The following ISLR2 variants were observed in gnomAD, a reference collection of about 807,000 sequenced individuals.
The protein encoded by ISLR2 is immunoglobulin superfamily containing leucine rich repeat 2, also known as immunoglobulin superfamily containing leucine-rich repeat protein 2.
Under a neutral mutation model 25.5 loss-of-function variants are expected in ISLR2, and 16 were observed. The observed-to-expected ratio is 0.63, with a 90% confidence interval of 0.43 to 0.95. The LOEUF (loss-of-function observed/expected upper bound fraction) is 0.95, where lower values mean the gene tolerates loss of function less well. ISLR2 is among the 40% of genes least tolerant of loss of function. The pLI, the probability that ISLR2 is intolerant of heterozygous loss-of-function variation, is 0.00. For synonymous variants in ISLR2, 508 were observed against 486.6 expected, an observed-to-expected ratio of 1.04 and a Z score of -0.58; for missense variants, 883 against 1,030.7, an observed-to-expected ratio of 0.86 and a Z score of 1.96.
chr15:74,136,893 C>T (rs1234066357), downstream of ISLR2: 1 of 163,902 alleles, frequency 6.1e-6, no homozygotes, highest in Non-Finnish European at 1.5e-5. Flanking sequence ...CCCCCAGAGC[C>T]TCCCGTTGGA....
rs1595952790 is a variant in ISLR2, at chr15:74,136,773, G to C, written c.*1781G>C. The stretch of plus-strand genomic sequence containing the variant: ...CCCGTGCCCTTTTCTAAACGCGTCT[G>C]TATGCAGTCAATAAAACAATCGATT... On this transcript the variant is annotated 3_prime_UTR_variant, in exon 3 of 3. Transcript: ENST00000453268. 6.0e-6 allele frequency: 1 copy of C among 167,154 alleles called. No individual in the cohort carries two copies. The highest frequency in any genetic ancestry group is 1.9e-4 in the East Asian group (1 of 5,198). The allele number at this position is 167,154 out of a possible 1,614,324, so 10.4% of individuals were successfully genotyped here. A position where few individuals can be genotyped will look rare whatever the true frequency, so the allele number is the denominator to read the frequency against.
chr15:74,102,682 A>C (rs2072089442), intron 1 of ISLR2, among the ~76,000 whole-genome samples: 1 of 151,896 alleles, frequency 6.6e-6, no homozygotes, highest in South Asian at 2.1e-4. Flanking sequence ...TGGTTTGAAA[A>C]CCACTAATGT....
At chr15:74,122,526 G>T (rs887737251) in intron 2 of ISLR2, among the ~76,000 whole-genome samples, 1 of 152,212 alleles carries the variant, frequency 6.6e-6, no homozygotes, top group African/African-American at 2.4e-5. Flanking sequence ...CCAACATTGA[G>T]ACTGTGCCTG....
At chr15:74,108,927 C>G (rs1411193088) in intron 2 of ISLR2, among the ~76,000 whole-genome samples, 2 of 152,192 alleles carry the variant, frequency 1.3e-5, no homozygotes, top group African/African-American at 4.8e-5. Context: ...AGGGTGTGAC[C>G]TGGGGCAGGT....
chr15:74,106,921 C>T (rs2072125137), intron 2 of ISLR2, among the ~76,000 whole-genome samples: 2 of 152,132 alleles, frequency 1.3e-5, no homozygotes, highest in Non-Finnish European at 2.9e-5. Flanking sequence ...TCTCTCTCCG[C>T]CCCCTTCAGC....
At position 74,133,267 on chromosome 15, in the gene ISLR2, C is replaced by G; in HGVS notation, c.513C>G (p.Ser171Arg). The G allele has an allele frequency of 6.2e-7, 1 of 1,611,430 alleles. No individual in the cohort carries two copies. Among genetic ancestry groups the G allele is most frequent in the South Asian group, 1.1e-5 (1 of 91,090 alleles). The change falls in exon 3 of 3, where the codon AGC becomes AGG. Residue 171 changes from serine to arginine, a missense_variant. Transcript: ENST00000453268. ...CGCCTGGCACCTTCGACGCGCTTAG[C>G]GCGCTGTCACACTTGCAACTCTATC... ...TLAPGTFDAL[S>R]ALSHLQLYHN...
intron 2 of ISLR2, among the ~76,000 whole-genome samples, chr15:74,107,061 T>A (rs2072126387): frequency 6.6e-6 from 1 of 151,108 alleles, no homozygotes. Flanking sequence ...CTGGAGGGAC[T>A]GGGGGGAGCA....
upstream of ISLR2, chr15:74,129,151 T>C (rs1363933107): frequency 2.3e-6 from 1 of 430,932 alleles, no homozygotes; most frequent in Admixed American, 2.5e-5. The surrounding 1 kb of genome is among the most constrained non-coding windows in gnomAD (Gnocchi z 4.5). Context: ...TGTTCTGAAC[T>C]GGGGCTGAGC....
At chr15:74,117,983 TCAAA>T (rs2072224040) in intron 2 of ISLR2, among the ~76,000 whole-genome samples, 1 of 152,338 alleles carries the variant, frequency 6.6e-6, no homozygotes, top group African/African-American at 2.4e-5. Flanking sequence ...ACTGAGTCTC[TCAAA>T]CATTCAGGTG....
At chr15:74,141,322 A>G (rs2072609694), downstream of ISLR2, among the ~76,000 whole-genome samples, 1 of 152,222 alleles carries the variant, frequency 6.6e-6, no homozygotes, top group Non-Finnish European at 1.5e-5. Context: ...TCTCCCAGCA[A>G]CATTCTCAAA....
chr15:74,127,702 A>AGC (rs1410837352), upstream of ISLR2: 5 of 152,458 alleles, frequency 3.3e-5, no homozygotes, highest in African/African-American at 1.2e-4. Flanking sequence ...AGCGGCTTCC[A>AGC]GCAGGGGGCG....
Position 74,136,183 on chromosome 15 carries a change from T to C in ISLR2, c.*1191T>C, listed in dbSNP as rs2072562188. ...CCTGTGGACTTGGTCGCGGGCCAAT[T>C]TCGTTGTCCGTGTGTTGGGCTTTCC... On this transcript the variant is annotated 3_prime_UTR_variant, in exon 3 of 3. Transcript: ENST00000453268. 6.0e-6 allele frequency: 1 copy of C among 166,718 alleles called. No homozygotes were observed. Among genetic ancestry groups the C allele is most frequent in the Admixed American group, 6.5e-5 (1 of 15,292 alleles). 10.3% of individuals were successfully genotyped at this position (166,718 alleles called of 1,614,324 possible).
In ISLR2 at chr15:74,133,089, C is replaced by G. The variant is rs2072464866; in HGVS notation, c.335C>G (p.Ser112Cys). The part of the protein sequence containing the change: ...KNLDLSHNFI[S>C]SFPWSDLRNL... The stretch of plus-strand genomic sequence containing the variant: ...CTCGATCTGAGCCACAACTTCATAT[C>G]CAGCTTTCCGTGGAGCGACCTGCGC... The change falls in exon 3 of 3, where the codon TCC (serine) becomes TGC (cysteine). Residue 112 changes from serine (S) to cysteine (C), a missense_variant. Ser to Cys is a moderately radical substitution (Grantham distance 112, BLOSUM62 -1). Transcript: ENST00000453268. The G allele has an allele frequency of 6.8e-6, 11 of 1,612,924 alleles. No individual in the cohort carries two copies. The highest frequency in any genetic ancestry group is 1.1e-5 in the South Asian group (1 of 91,090).
intron 2 of ISLR2, among the ~76,000 whole-genome samples, chr15:74,111,129 G>A (rs180843890): frequency 0.012 from 1,319 of 111,920 alleles, 21 homozygotes; most frequent in African/African-American, 0.046. Context: ...GACAGAGGGA[G>A]ACTCCATCTA....
At chr15:74,106,519 C>G (rs1189820431) in intron 2 of ISLR2, among the ~76,000 whole-genome samples, 2 of 152,114 alleles carry the variant, frequency 1.3e-5, no homozygotes, top group African/African-American at 4.8e-5. Context: ...GCTCTGGGCT[C>G]TATGTAGGAG....
At chr15:74,126,893 CATTTGTGTGT>C (rs1365040211), upstream of ISLR2, 10 of 125,850 alleles carry the variant, frequency 7.9e-5, no homozygotes, top group African/African-American at 3.1e-4. Context: ...CTGGAGAGAA[CATTTGTGTGT>C]GTGTGTGTGT....
chr15:74,135,240 T>C lies in ISLR2; in HGVS notation c.*248T>C. On this transcript the variant is annotated 3_prime_UTR_variant, in exon 3 of 3. Coordinates refer to ENST00000453268, the MANE Select transcript of ISLR2 (RefSeq NM_020851.3). ...TTCCCCGCCAAGCACAGTGTTTATC[T>C]TACCCCATGCAAGACTCCACCCGCA... 1 of 542,018 alleles carries C rather than the reference T, an allele frequency of 1.8e-6. No homozygotes were observed. The highest frequency in any genetic ancestry group is 2.5e-5 in the South Asian group (1 of 39,786). The allele number at this position is 542,018 out of a possible 1,614,324, so 33.6% of individuals were successfully genotyped here. A position where few individuals can be genotyped will look rare whatever the true frequency, so the allele number is the denominator to read the frequency against.
chr15:74,116,400 CAAA>C (rs1459513461), intron 2 of ISLR2, among the ~76,000 whole-genome samples: 1 of 84,306 alleles, frequency 1.2e-5, no homozygotes. Context: ...CTCATCTCTA[CAAA>C]AAAAAAAAAA....
chr15:74,123,282 C>A (rs1478745757), upstream of ISLR2, among the ~76,000 whole-genome samples: 1 of 151,916 alleles, frequency 6.6e-6, no homozygotes, highest in Non-Finnish European at 1.5e-5. Flanking sequence ...CAGAAATTGC[C>A]AAGGGCCATG....
Sources: gnomAD v4.1 joint callset for allele counts (sites outside exome capture counted in the v4.1 genomes callset) on GRCh38, gnomAD v4.1.1 for gene constraint, Gnocchi (gnomAD v3.1) non-coding constraint, MANE v1.5 for transcripts, NCBI Gene and HGNC (gene_info 2026-07-23, HGNC 2026-07-21) for gene names.